Variants in FOXP1 observed in about 807,000 individuals in gnomAD.
The protein encoded by FOXP1 is forkhead box protein P1.
A neutral mutation model predicts 98.2 loss-of-function variants in FOXP1; 15 were observed. The observed-to-expected ratio is 0.15, with a 90% CI of 0.10 to 0.24. The LOEUF (loss-of-function observed/expected upper bound fraction) is 0.24, where lower values mean the gene tolerates loss of function less well. FOXP1 is among the 10% of genes least tolerant of loss of function. FOXP1 has a pLI of 1.00. For synonymous variants in FOXP1, 371 were observed against 314.5 expected, an observed-to-expected ratio of 1.18 and a Z score of -1.90; for missense variants, 633 against 848.5, an observed-to-expected ratio of 0.75 and a Z score of 3.15.
chr3:71,059,338 A>G (rs2051147538), intron 7 of FOXP1, among the ~76,000 whole-genome samples: 2 of 152,166 alleles, frequency 1.3e-5, no homozygotes, highest in African/African-American at 4.8e-5. Context: ...GCATAAATGC[A>G]TATTTGTTTA....
At chr3:71,469,752 C>T (rs1347626674) in intron 3 of FOXP1, among the ~76,000 whole-genome samples, 3 of 152,308 alleles carry the variant, frequency 2.0e-5, no homozygotes, top group Non-Finnish European at 1.5e-5. Flanking sequence ...GTAAAAGCTG[C>T]AGACCACCCT....
chr3:71,446,794 T>C (rs1000017142), intron 3 of FOXP1, among the ~76,000 whole-genome samples: 45 of 152,276 alleles, frequency 3.0e-4, no homozygotes, highest in Admixed American at 6.5e-5. Context: ...AAACTGGCAC[T>C]TTCCAGAAAT....
At chr3:71,012,800 A>G (rs1273530602) in intron 12 of FOXP1, among the ~76,000 whole-genome samples, 1 of 152,164 alleles carries the variant, frequency 6.6e-6, no homozygotes, top group Non-Finnish European at 1.5e-5. Flanking sequence ...AATGAGAGAG[A>G]AAAGCTAGAA....
intron 4 of FOXP1, among the ~76,000 whole-genome samples, chr3:71,331,849 T>C (rs2076337457): frequency 6.6e-6 from 1 of 151,682 alleles, no homozygotes; most frequent in African/African-American, 2.4e-5. Context: ...GCTCAGGGTT[T>C]GTAAATACAC....
chr3:71,484,997 C>T (rs1223623954), intron 3 of FOXP1, among the ~76,000 whole-genome samples: 1 of 152,162 alleles, frequency 6.6e-6, no homozygotes, highest in Non-Finnish European at 1.5e-5. Flanking sequence ...TTATAAGTTA[C>T]TTGGGGACTG....
chr3:71,401,239 G>C (rs1055238843), intron 3 of FOXP1, among the ~76,000 whole-genome samples: 7 of 152,086 alleles, frequency 4.6e-5, no homozygotes, highest in African/African-American at 1.2e-4. Context: ...GTTCAAAAAG[G>C]GTTTTGAAAA....
At chr3:71,196,887 C>T (rs570526360) in intron 6 of FOXP1, among the ~76,000 whole-genome samples, 158 of 152,320 alleles carry the variant, frequency 1.0e-3, no homozygotes, top group African/African-American at 3.5e-3. Flanking sequence ...GATCAAATCA[C>T]TTGCAGGAAG....
chr3:70,985,088 C>G (rs1016812524), intron 14 of FOXP1, among the ~76,000 whole-genome samples: 9 of 152,162 alleles, frequency 5.9e-5, no homozygotes, highest in African/African-American at 1.7e-4. Flanking sequence ...TTAAAATAAA[C>G]ACGAGGTTTC....
At chr3:71,125,337 A>C (rs2059089586) in intron 6 of FOXP1, among the ~76,000 whole-genome samples, 1 of 152,226 alleles carries the variant, frequency 6.6e-6, no homozygotes, top group South Asian at 2.1e-4. Context: ...CATACACACA[A>C]AAAGTCCACT....
intron 6 of FOXP1, among the ~76,000 whole-genome samples, chr3:71,194,201 C>A (rs987647757): frequency 6.0e-5 from 9 of 150,612 alleles, no homozygotes; most frequent in African/African-American, 2.2e-4. Flanking sequence ...CACCTCAGAA[C>A]TGCAGCAACC....
intron 5 of FOXP1, among the ~76,000 whole-genome samples, chr3:71,291,886 T>C (rs545779012): frequency 6.6e-6 from 1 of 151,984 alleles, no homozygotes; most frequent in Non-Finnish European, 1.5e-5. Context: ...TTTGTATTTT[T>C]AGTAGAGATG....
chr3:71,431,881 C>G (rs188544756), intron 3 of FOXP1, among the ~76,000 whole-genome samples: 2 of 152,258 alleles, frequency 1.3e-5, no homozygotes, highest in East Asian at 3.9e-4. Flanking sequence ...AAAACCAAAG[C>G]TATAGAGTGA....
At chr3:71,385,595 A>G (rs1249636620) in intron 3 of FOXP1, among the ~76,000 whole-genome samples, 2 of 152,206 alleles carry the variant, frequency 1.3e-5, no homozygotes, top group East Asian at 3.8e-4. Context: ...ATGCTCATGA[A>G]TAAGATACAT....
intron 3 of FOXP1, among the ~76,000 whole-genome samples, chr3:71,366,292 T>C (rs868353298): frequency 4.7e-4 from 71 of 152,340 alleles, no homozygotes; most frequent in Middle Eastern, 3.4e-3. Context: ...GAATCTGTCT[T>C]ATCTTAAATG....
rs575183117 is a variant in FOXP1 at position 70,998,532 on chromosome 3, T to C, written c.1062+2440A>G. Reference sequence around the variant, plus strand: ...GAAATGGAACACGTCAGAATTAGCCTGTCCCTTCTTCCATTACGGCAAACT... The same window carrying C: ...GAAATGGAACACGTCAGAATTAGCCCGTCCCTTCTTCCATTACGGCAAACT... On this transcript the variant is annotated intron_variant, in intron 13 of 20. Transcript: ENST00000649528. Among the ~76,000 whole-genome samples, 34 of 152,290 alleles carry C rather than the reference T, an allele frequency of 2.2e-4. No homozygotes were observed. The South Asian group carries it at 4.6e-3, about 20-fold the overall frequency.
intron 7 of FOXP1, among the ~76,000 whole-genome samples, chr3:71,063,214 C>T (rs1487794560): frequency 6.6e-6 from 1 of 152,238 alleles, no homozygotes; most frequent in Non-Finnish European, 1.5e-5. Context: ...ATGTGTCAGG[C>T]AGCTACAAAG....
chr3:71,424,171 T>C (rs1198832543), intron 3 of FOXP1, among the ~76,000 whole-genome samples: 4 of 152,146 alleles, frequency 2.6e-5, no homozygotes, highest in Admixed American at 6.5e-5. Flanking sequence ...CGCTGAAGGA[T>C]GGTCCTTTAA....
At position 71,363,484 on chromosome 3, in the gene FOXP1, T is replaced by C. The variant is rs2078713115; in HGVS notation, c.-167-4240A>G. On this transcript the variant is annotated intron_variant, in intron 3 of 20. Coordinates refer to ENST00000649528, the MANE Select transcript of FOXP1 (RefSeq NM_001349338.3). ...CAAAATGCCTAAATGGCACACAACATGTGGGAAGTAGATTCAGACTGCAGG... is the reference window on the plus strand; with the variant it reads ...CAAAATGCCTAAATGGCACACAACACGTGGGAAGTAGATTCAGACTGCAGG... Among the ~76,000 whole-genome samples, 3 of 152,302 alleles carry C rather than the reference T, an allele frequency of 2.0e-5. No homozygotes were observed. In the East Asian group the frequency reaches 5.8e-4, roughly 29 times the overall value.
intron 7 of FOXP1, among the ~76,000 whole-genome samples, chr3:71,088,436 TAAG>T (rs2055403630): frequency 6.6e-6 from 1 of 150,762 alleles, no homozygotes; most frequent in African/African-American, 2.4e-5. Flanking sequence ...TAATGTCCCA[TAAG>T]AATGTAATCT....
Sources: allele counts gnomAD v4.1 joint callset (sites outside exome capture counted in the v4.1 genomes callset), GRCh38; gene constraint gnomAD v4.1.1; transcripts MANE v1.5; gene names NCBI Gene and HGNC (gene_info 2026-07-23, HGNC 2026-07-21).